Variants in PRKN observed in about 807,000 individuals in gnomAD.
The protein encoded by PRKN is E3 ubiquitin-protein ligase parkin.
Under a neutral mutation model 59.5 loss-of-function variants are expected in PRKN, and 56 were observed. The observed-to-expected ratio is 0.94, with a 90% CI of 0.76 to 1.18. PRKN has a LOEUF of 1.18. Ranked by LOEUF, PRKN falls within the 50% of genes most tolerant of loss-of-function variation. The pLI is 0.00. For missense variants in PRKN, 657 were observed against 596.4 expected, an observed-to-expected ratio of 1.10 and a Z score of -1.06; for synonymous variants, 250 against 222.1, an observed-to-expected ratio of 1.13 and a Z score of -1.12.
At chr6:161,997,762 G>A (rs1781899671) in intron 5 of PRKN, among the ~76,000 whole-genome samples, 1 of 152,054 alleles carries the variant, frequency 6.6e-6, no homozygotes, top group East Asian at 1.9e-4. Flanking sequence ...AATACATGAG[G>A]GTAAACTCAA....
chr6:162,060,286 C>T lies in PRKN; in HGVS notation c.535-6112G>A, dbSNP rs150191573. On this transcript the variant is annotated intron_variant, in intron 4 of 11. Transcript: ENST00000366898. ...TGTTGACCTGAGAATTCCGAGAAGA[C>T]GGTGATAGAGAAGCAGCAATTGAAT... 1.2e-4 allele frequency among the ~76,000 whole-genome samples: 19 copies of T among 152,188 alleles called. No individual in the cohort carries two copies. The East Asian group carries it at 2.9e-3, about 23-fold the overall frequency.
At chr6:162,368,315 G>A (rs1196797891) in intron 2 of PRKN, among the ~76,000 whole-genome samples, 6 of 152,084 alleles carry the variant, frequency 3.9e-5, no homozygotes, top group Admixed American at 3.3e-4. Context: ...GTTACCAGGA[G>A]AGCTGACATT....
In PRKN at chr6:161,579,553, G is replaced by T. The variant is rs1344620100; in HGVS notation, c.872-10137C>A. Among the ~76,000 whole-genome samples, 1 of 152,146 alleles carries T rather than the reference G, an allele frequency of 6.6e-6. No homozygotes were observed. Among genetic ancestry groups the T allele is most frequent in the Non-Finnish European group, 1.5e-5 (1 of 68,032 alleles). ...TCTGTAAACTGGCCTTCCTTGTAGG[G>T]CATGTTCCTGAATAGGGCATATTCA... On this transcript the variant is annotated intron_variant, in intron 7 of 11. Coordinates refer to ENST00000366898, the MANE Select transcript of PRKN (RefSeq NM_004562.3). The surrounding 1 kb of genome is among the most constrained non-coding windows in gnomAD (Gnocchi z 4.2).
intron 5 of PRKN, among the ~76,000 whole-genome samples, chr6:162,044,790 G>A (rs1784191480): frequency 6.6e-6 from 1 of 152,016 alleles, no homozygotes; most frequent in South Asian, 2.1e-4. Flanking sequence ...CTTCCCTTGG[G>A]CCTCACCTCC....
rs541553637 is a variant in PRKN, at chr6:162,617,388, C to T, written c.7+110274G>A. On this transcript the variant is annotated intron_variant, in intron 1 of 11. Coordinates refer to ENST00000366898, the MANE Select transcript of PRKN (RefSeq NM_004562.3). ...CTGGGATTACAGGCACCTGCCAGCA[C>T]ACCTGGCTAATTTTTGTATTTTTGG... Among the ~76,000 whole-genome samples, 18 of 152,186 alleles carry T rather than the reference C, an allele frequency of 1.2e-4. No homozygotes were observed. In the South Asian group the frequency reaches 3.1e-3, roughly 26 times the overall value.
At chr6:161,585,828 A>G (rs1402189013) in intron 7 of PRKN, among the ~76,000 whole-genome samples, 2 of 152,160 alleles carry the variant, frequency 1.3e-5, no homozygotes. Context: ...ACAGCAGAAG[A>G]CAACCCAGCC....
intron 2 of PRKN, among the ~76,000 whole-genome samples, chr6:162,270,939 T>C (rs1780354102): frequency 6.6e-6 from 1 of 151,534 alleles, no homozygotes; most frequent in Non-Finnish European, 1.5e-5. Context: ...ACTCCCAGAC[T>C]CAAGTGATCC....
intron 1 of PRKN, among the ~76,000 whole-genome samples, chr6:162,630,932 T>C (rs1177341342): frequency 6.6e-6 from 1 of 152,166 alleles, no homozygotes; most frequent in Admixed American, 6.5e-5. Context: ...AAAAATTTTA[T>C]AGAACCATTT....
At position 162,264,947 on chromosome 6, in the gene PRKN, T is replaced by C. The variant is rs544405277; in HGVS notation, c.172-2182A>G. ...ATTACCCTTCACATCTTCAACTCTT[T>C]TACATCTCAATAGTCACCTCCCCGT... On this transcript the variant is annotated intron_variant, in intron 2 of 11. Coordinates refer to ENST00000366898, the MANE Select transcript of PRKN (RefSeq NM_004562.3). Among the ~76,000 whole-genome samples, 76 of 134,428 alleles carry C rather than the reference T, an allele frequency of 5.7e-4. 1 individual carries two copies. The highest frequency in any genetic ancestry group is 1.9e-3 in the African/African-American group (63 of 33,404). The allele number at this position is 134,428 out of a possible 152,430, so 88.2% of individuals were successfully genotyped here.
At chr6:162,646,333 T>C (rs1188652276) in intron 1 of PRKN, among the ~76,000 whole-genome samples, 1 of 152,064 alleles carries the variant, frequency 6.6e-6, no homozygotes, top group East Asian at 1.9e-4. Flanking sequence ...AGTGCAGTGG[T>C]GTAATCATAG....
intron 5 of PRKN, among the ~76,000 whole-genome samples, chr6:162,016,804 C>T (rs368041249): frequency 8.5e-5 from 13 of 152,068 alleles, no homozygotes; most frequent in African/African-American, 2.2e-4. Flanking sequence ...AGGATCCTGG[C>T]GATAAAGCAG....
At chr6:161,797,574 A>G (rs1391458926) in intron 6 of PRKN, among the ~76,000 whole-genome samples, 2 of 152,152 alleles carry the variant, frequency 1.3e-5, no homozygotes, top group East Asian at 1.9e-4. Context: ...TGGGCCTTTT[A>G]TTTCTTTTAT....
At chr6:162,549,746 C>G (rs748032427) in intron 1 of PRKN, among the ~76,000 whole-genome samples, 1 of 150,178 alleles carries the variant, frequency 6.7e-6, no homozygotes, top group Middle Eastern at 3.4e-3. Context: ...TCAAGTGATT[C>G]TCCTGCCTCA....
At chr6:162,299,957 T>G (rs1391850718) in intron 2 of PRKN, among the ~76,000 whole-genome samples, 1 of 152,204 alleles carries the variant, frequency 6.6e-6, no homozygotes, top group Non-Finnish European at 1.5e-5. Flanking sequence ...ATACTCATGG[T>G]ATTTTTCCAC....
At chr6:162,588,935 A>G (rs7764785) in intron 1 of PRKN, among the ~76,000 whole-genome samples, 15,570 of 152,116 alleles carry the variant, frequency 0.1, 940 homozygotes, top group Middle Eastern at 0.19. Flanking sequence ...GGTGCGCAGT[A>G]AGTTGCAGCT....
chr6:162,445,175 T>C (rs2128168445), intron 1 of PRKN, among the ~76,000 whole-genome samples: 1 of 152,290 alleles, frequency 6.6e-6, no homozygotes, highest in African/African-American at 2.4e-5. Flanking sequence ...TGCCAGACAT[T>C]GTGCTCTCAT....
intron 5 of PRKN, among the ~76,000 whole-genome samples, chr6:162,000,442 G>A (rs1782009834): frequency 6.6e-6 from 1 of 151,970 alleles, no homozygotes; most frequent in South Asian, 2.1e-4. Flanking sequence ...TACTTGCCAT[G>A]TTTATATCTT....
In PRKN at chr6:161,372,825, A is replaced by ATTTTTTTTT. The variant is rs11293379; in HGVS notation, c.1168-12629_1168-12621dup. ...TGGTCAACAAAGACAGAGAGACCCT[A>ATTTTTTTTT]TTTTTTTTTTTTTTTTTTTTTTGAG... On this transcript the variant is annotated intron_variant, in intron 10 of 11. Transcript: ENST00000366898. The surrounding 1 kb of genome is among the most constrained non-coding windows in gnomAD (Gnocchi z 4.2). Among the ~76,000 whole-genome samples the ATTTTTTTTT allele has an allele frequency of 1.7e-5, 2 of 114,440 alleles. No individual in the cohort carries two copies. Among genetic ancestry groups the ATTTTTTTTT allele is most frequent in the Non-Finnish European group, 1.8e-5 (1 of 55,730 alleles). The allele number at this position is 114,440 out of a possible 152,430, so 75.1% of individuals were successfully genotyped here. A position where few individuals can be genotyped will look rare whatever the true frequency, so the allele number is the denominator to read the frequency against.
At chr6:161,449,914 C>A (rs1397170352) in intron 9 of PRKN, among the ~76,000 whole-genome samples, 1 of 152,204 alleles carries the variant, frequency 6.6e-6, no homozygotes, top group East Asian at 1.9e-4. Flanking sequence ...GACCCCCACA[C>A]CCACCCACGA....
Sources: allele counts gnomAD v4.1 joint callset (sites outside exome capture counted in the v4.1 genomes callset), GRCh38; gene constraint gnomAD v4.1.1; non-coding constraint Gnocchi (gnomAD v3.1); transcripts MANE v1.5; gene names NCBI Gene and HGNC (gene_info 2026-07-23, HGNC 2026-07-21).